CDC5L: variants seen among roughly 807,000 people sequenced by gnomAD.
CDC5L encodes cell division cycle 5 like, also known as cell division cycle 5-like protein.
CDC5L carries 18 observed loss-of-function variants against 104.1 expected under a neutral mutation model. That is an observed-to-expected ratio of 0.17 (90% CI 0.12 to 0.26). CDC5L has a LOEUF of 0.26. Ranked by LOEUF, CDC5L falls within the 10% of genes least tolerant of loss-of-function variation. The pLI is 1.00. For synonymous variants in CDC5L, 331 were observed against 322.7 expected, an observed-to-expected ratio of 1.03 and a Z score of -0.28; for missense variants, 673 against 956.9, an observed-to-expected ratio of 0.70 and a Z score of 3.91.
intron 8 of CDC5L, among the ~76,000 whole-genome samples, chr6:44,409,236 C>T (rs1791520837): frequency 6.6e-6 from 1 of 152,228 alleles, no homozygotes; most frequent in Admixed American, 6.5e-5. Context: ...GTAGAGGTGC[C>T]TGTTACAACT....
chr6:44,445,999 A>G lies in CDC5L; in HGVS notation c.2304+132A>G, dbSNP rs2273667. 130,649 of 700,066 alleles carry G rather than the reference A, an allele frequency of 0.19. 19,505 individuals carry two copies. The highest frequency in any genetic ancestry group is 0.68 in the East Asian group (25,293 of 37,414). 43.4% of individuals were successfully genotyped at this position (700,066 alleles called of 1,614,324 possible). A position where few individuals can be genotyped will look rare whatever the true frequency, so the allele number is the denominator to read the frequency against. On this transcript the variant is annotated intron_variant, in intron 15 of 15. Transcript: ENST00000371477. Reference sequence around the variant, plus strand: ...CAGGCTTTTAAAAATGAGAGCCTAAAGTGTTTGACTTTCTAATCTAGAATT... The same window carrying G: ...CAGGCTTTTAAAAATGAGAGCCTAAGGTGTTTGACTTTCTAATCTAGAATT...
intron 14 of CDC5L, among the ~76,000 whole-genome samples, chr6:44,431,078 G>C (rs1792661972): frequency 6.6e-6 from 1 of 152,158 alleles, no homozygotes; most frequent in South Asian, 2.1e-4. Flanking sequence ...ACTTGGGGTG[G>C]TTGGGGCTGT....
At position 44,393,549 on chromosome 6, in the gene CDC5L, C is replaced by T; in HGVS notation, c.415C>T (p.Pro139Ser). The change falls in exon 4 of 16, where the codon CCT becomes TCT. Residue 139 changes from proline to serine, a missense_variant. This residue lies in a region of CDC5L where 74 missense variants were observed against 123.5 expected (regional missense o/e 0.60). Transcript: ENST00000371477. Reference protein sequence around the residue: ...DPNPETKPARPDPIDMDEDEL... With the variant: ...DPNPETKPARSDPIDMDEDEL... ...AAATCCAGAAACAAAACCAGCGCGG[C>T]CTGATCCAATTGATATGGATGAGGG... The T allele has an allele frequency of 1.2e-6, 2 of 1,613,848 alleles. No individual in the cohort carries two copies. The highest frequency in any genetic ancestry group is 1.7e-6 in the Non-Finnish European group (2 of 1,179,858).
At position 44,408,372 on chromosome 6, in the gene CDC5L, G is replaced by A; in HGVS notation, c.904-72G>A. 3.2e-6 allele frequency: 4 copies of A among 1,238,788 alleles called. No individual in the cohort carries two copies. The South Asian group carries it at 5.6e-5, about 17-fold the overall frequency. 76.7% of individuals were successfully genotyped at this position (1,238,788 alleles called of 1,614,324 possible). A position where few individuals can be genotyped will look rare whatever the true frequency, so the allele number is the denominator to read the frequency against. On this transcript the variant is annotated intron_variant, in intron 7 of 15. Coordinates refer to ENST00000371477, the MANE Select transcript of CDC5L (RefSeq NM_001253.4). ...CCTCCTCGGCCTCCCAGAGTGTTGG[G>A]ATTACAAGTGTGAGCCACTGTGCCC...
intron 14 of CDC5L, among the ~76,000 whole-genome samples, chr6:44,432,367 C>A (rs570006700): frequency 2.9e-4 from 44 of 152,190 alleles, no homozygotes; most frequent in Non-Finnish European, 5.4e-4. Flanking sequence ...AGGAGATAAG[C>A]CCTTCTCTGT....
At chr6:44,393,164 G>GTTTT (rs773786751) in intron 3 of CDC5L, among the ~76,000 whole-genome samples, 2 of 107,230 alleles carry the variant, frequency 1.9e-5, no homozygotes, top group African/African-American at 3.3e-5. Flanking sequence ...TTTACTAATA[G>GTTTT]TTTTTTTTTT....
chr6:44,449,951 GC>G lies in CDC5L; in HGVS notation c.*3242del, dbSNP rs1211894306. On this transcript the variant is annotated 3_prime_UTR_variant, in exon 16 of 16. Transcript: ENST00000371477. ...GCAATCTTGGCCCACTGCAACCTCTGCCTCCTGGGCTCGAGTGATTCTCTGC... is the reference window on the plus strand; with the variant it reads ...GCAATCTTGGCCCACTGCAACCTCTGCTCCTGGGCTCGAGTGATTCTCTGC... 3.0e-4 allele frequency: 44 copies of G among 148,074 alleles called. No individual in the cohort carries two copies. Among genetic ancestry groups the G allele is most frequent in the African/African-American group, 1.1e-3 (43 of 39,782 alleles). 9.2% of individuals were successfully genotyped at this position (148,074 alleles called of 1,614,324 possible).
At chr6:44,406,104 G>A (rs746998710) in intron 6 of CDC5L, among the ~76,000 whole-genome samples, 3 of 152,022 alleles carry the variant, frequency 2.0e-5, no homozygotes, top group Admixed American at 1.3e-4. Flanking sequence ...GTTTCGCCAC[G>A]TTGGCCAGGC....
intron 11 of CDC5L, among the ~76,000 whole-genome samples, chr6:44,425,111 A>T (rs940334683): frequency 6.6e-6 from 1 of 152,170 alleles, no homozygotes; most frequent in African/African-American, 2.4e-5. Flanking sequence ...TTGTACTAAT[A>T]TATCTTATAC....
At chr6:44,403,500 GA>G (rs1306439167) in intron 5 of CDC5L, among the ~76,000 whole-genome samples, 2 of 151,516 alleles carry the variant, frequency 1.3e-5, no homozygotes, top group Non-Finnish European at 2.9e-5. Context: ...GGATTAAAAG[GA>G]AAAAAAAGCT....
At chr6:44,420,422 G>A (rs1437143974) in intron 9 of CDC5L, among the ~76,000 whole-genome samples, 3 of 151,186 alleles carry the variant, frequency 2.0e-5, no homozygotes, top group African/African-American at 7.3e-5. Context: ...GCAGTGGCGC[G>A]AACTCGGCTC....
intron 5 of CDC5L, among the ~76,000 whole-genome samples, chr6:44,397,109 C>T (rs11571934): frequency 2.4e-4 from 36 of 152,196 alleles, no homozygotes; most frequent in Non-Finnish European, 4.4e-4. Flanking sequence ...TTCTCCCCTC[C>T]CCTGAGGTTG....
At chr6:44,412,974 G>T (rs1791722693) in intron 8 of CDC5L, among the ~76,000 whole-genome samples, 1 of 151,148 alleles carries the variant, frequency 6.6e-6, no homozygotes, top group Non-Finnish European at 1.5e-5. Flanking sequence ...AGTAGAGACG[G>T]GGTTTCACCG....
At chr6:44,413,596 A>G (rs1791759736) in intron 8 of CDC5L, among the ~76,000 whole-genome samples, 1 of 151,918 alleles carries the variant, frequency 6.6e-6, no homozygotes, top group South Asian at 2.1e-4. Context: ...TTATTTGTTT[A>G]TTTTTGAGAC....
rs538519804 is a variant in CDC5L at position 44,393,480 on chromosome 6, A to G, written c.346A>G (p.Thr116Ala). The part of the protein sequence containing the change: ...KAAQRDNEEE[T>A]TDDPRKLKPG... Reference sequence around the variant, plus strand: ...TGCCCAAAGAGACAATGAAGAGGAAACAACAGATGATCCACGAAAACTTAA... The same window carrying G: ...TGCCCAAAGAGACAATGAAGAGGAAGCAACAGATGATCCACGAAAACTTAA... Residue 116 changes from threonine to alanine, a missense_variant, in exon 4 of 16, where the codon ACA becomes GCA. Around this residue, in one of 4 missense-constraint regions of CDC5L, gnomAD observed 74 missense variants for 123.5 expected, o/e 0.60. Transcript: ENST00000371477. 1.2e-6 allele frequency: 2 copies of G among 1,614,032 alleles called. No individual in the cohort carries two copies. The highest frequency in any genetic ancestry group is 4.5e-5 in the East Asian group (2 of 44,878).
At chr6:44,404,294 A>G (rs1791263734) in intron 6 of CDC5L, among the ~76,000 whole-genome samples, 1 of 151,666 alleles carries the variant, frequency 6.6e-6, no homozygotes, top group South Asian at 2.1e-4. Flanking sequence ...TCAGGTGCAC[A>G]CCACCACACC....
At chr6:44,431,877 C>T (rs1347707401) in intron 14 of CDC5L, among the ~76,000 whole-genome samples, 1 of 152,142 alleles carries the variant, frequency 6.6e-6, no homozygotes, top group Non-Finnish European at 1.5e-5. Context: ...CTGAAATCTT[C>T]CGTTGAACTA....
intron 8 of CDC5L, among the ~76,000 whole-genome samples, chr6:44,412,988 T>C (rs991192779): frequency 2.0e-5 from 3 of 151,556 alleles, no homozygotes; most frequent in Admixed American, 6.6e-5. Flanking sequence ...TTCACCGTTT[T>C]AGCTGGGATG....
chr6:44,436,991 G>T (rs992402616), intron 14 of CDC5L, among the ~76,000 whole-genome samples: 1 of 152,212 alleles, frequency 6.6e-6, no homozygotes, highest in Non-Finnish European at 1.5e-5. Flanking sequence ...TTAAAGCACA[G>T]TGTGGTGGCT....
Sources: gnomAD v4.1 joint callset for allele counts (sites outside exome capture counted in the v4.1 genomes callset) on GRCh38, gnomAD v4.1.1 for gene constraint, gnomAD v4.1.1 regional missense constraint, MANE v1.5 for transcripts, NCBI Gene and HGNC (gene_info 2026-07-23, HGNC 2026-07-21) for gene names.